The following PLCG2 variants were observed in gnomAD, a reference collection of about 807,000 sequenced individuals.
PLCG2 encodes phospholipase C gamma 2.
A neutral mutation model predicts 175.6 loss-of-function variants in PLCG2; 69 were observed. That is an observed-to-expected ratio of 0.39 (90% CI 0.32 to 0.48). PLCG2 has a LOEUF of 0.48. PLCG2 is among the 20% of genes least tolerant of loss of function. The pLI, the probability that PLCG2 is intolerant of heterozygous loss-of-function variation, is 0.91. For missense variants in PLCG2, 1,798 were observed against 1,650.9 expected (o/e 1.09, Z -1.54); for synonymous variants, 827 against 624.0 (o/e 1.33, Z -4.85).
At chr16:81,778,038 A>AAC (rs1555505452), upstream of PLCG2, among the ~76,000 whole-genome samples, 113 of 82,576 alleles carry the variant, frequency 1.4e-3, 3 homozygotes, top group South Asian at 2.7e-3. Flanking sequence ...AAAACAAAAA[A>AAC]AAAACAAAAA....
chr16:81,923,686 C>T (rs1056287797), intron 22 of PLCG2, 92 bp downstream of exon 22: 45 of 720,648 alleles, frequency 6.2e-5, no homozygotes, highest in South Asian at 4.1e-4. Flanking sequence ...AGTCTGACCC[C>T]CTTTGTCATC....
chr16:81,823,774 C>G (rs918781123), intron 2 of PLCG2, among the ~76,000 whole-genome samples: 1 of 152,038 alleles, frequency 6.6e-6, no homozygotes, highest in Non-Finnish European at 1.5e-5. Context: ...AAGCAATCCC[C>G]TGACCTCGGT....
At chr16:81,902,718 A>G (rs1443355696) in intron 14 of PLCG2, among the ~76,000 whole-genome samples, 1 of 152,038 alleles carries the variant, frequency 6.6e-6, no homozygotes, top group East Asian at 1.9e-4. Context: ...TGTGTTACCC[A>G]TTCTCACACT....
chr16:81,893,892 A>G, intron 12 of PLCG2, 98 bp downstream of exon 12: 1 of 730,000 alleles, frequency 1.4e-6, no homozygotes, highest in East Asian at 2.6e-5. Flanking sequence ...AAAGGTTTTA[A>G]TGGACACATA....
chr16:81,795,389 A>G (rs1911421111), intron 2 of PLCG2, among the ~76,000 whole-genome samples: 1 of 152,214 alleles, frequency 6.6e-6, no homozygotes, highest in South Asian at 2.1e-4. Flanking sequence ...TGGGGAGAGC[A>G]TTCTGGCATA....
intron 26 of PLCG2, chr16:81,935,736 A>G: frequency 1.0e-6 from 1 of 985,220 alleles, no homozygotes; most frequent in Non-Finnish European, 1.2e-6. Context: ...AGGCACCCAC[A>G]TTGCAACCCT....
At chr16:81,908,735 G>C in intron 17 of PLCG2, 144 bp downstream of exon 17, 1 of 672,508 alleles carries the variant, frequency 1.5e-6, no homozygotes. Flanking sequence ...TTCTAGGCCG[G>C]GACAAGGGTG....
chr16:81,920,508 G>T (rs1910016991), intron 20 of PLCG2, among the ~76,000 whole-genome samples: 1 of 152,202 alleles, frequency 6.6e-6, no homozygotes, highest in African/African-American at 2.4e-5. Flanking sequence ...CTTAGGCTGT[G>T]GGAGTGGAGA....
intron 9 of PLCG2, among the ~76,000 whole-genome samples, chr16:81,884,234 C>T (rs1194308777): frequency 6.6e-6 from 1 of 152,094 alleles, no homozygotes; most frequent in Non-Finnish European, 1.5e-5. Flanking sequence ...GCCTGTAATC[C>T]CAGCTACCTG....
intron 2 of PLCG2, among the ~76,000 whole-genome samples, chr16:81,789,587 C>T (rs566628296): frequency 5.3e-5 from 8 of 152,274 alleles, no homozygotes; most frequent in African/African-American, 1.4e-4. Context: ...CCATGCCCGG[C>T]CTCAATTCAT....
At chr16:81,833,977 A>G (rs904691775) in intron 2 of PLCG2, among the ~76,000 whole-genome samples, 1 of 152,092 alleles carries the variant, frequency 6.6e-6, no homozygotes, top group African/African-American at 2.4e-5. Flanking sequence ...TAGCAGGTTC[A>G]CCCCAAGGTT....
upstream of PLCG2, among the ~76,000 whole-genome samples, chr16:81,777,816 G>C (rs1234991963): frequency 6.6e-6 from 1 of 151,772 alleles, no homozygotes; most frequent in Non-Finnish European, 1.5e-5. Flanking sequence ...AGGAGTTTGA[G>C]ACCAATCTGG....
intron 22 of PLCG2, among the ~76,000 whole-genome samples, chr16:81,924,796 C>T (rs1466156535): frequency 6.6e-6 from 1 of 152,238 alleles, no homozygotes; most frequent in East Asian, 1.9e-4. Context: ...GCTGACATTG[C>T]TGTTCCTACT....
intron 2 of PLCG2, among the ~76,000 whole-genome samples, chr16:81,791,370 A>C (rs1170743148): frequency 1.3e-5 from 2 of 152,070 alleles, no homozygotes; most frequent in Non-Finnish European, 2.9e-5. Flanking sequence ...CTGTGGGATT[A>C]ATGGGTGTCA....
intron 2 of PLCG2, among the ~76,000 whole-genome samples, chr16:81,821,803 A>G (rs550716001): frequency 6.6e-6 from 1 of 152,270 alleles, no homozygotes; most frequent in East Asian, 1.9e-4. Flanking sequence ...ACCCAAAAGA[A>G]AAGGTTTTAC....
intron 2 of PLCG2, among the ~76,000 whole-genome samples, chr16:81,828,448 C>T (rs889082830): frequency 1.3e-5 from 2 of 151,888 alleles, no homozygotes; most frequent in Admixed American, 1.3e-4. Flanking sequence ...CCATGTTAGC[C>T]AGGATGGTCT....
chr16:81,750,799 T>G (rs1485861137), intron 1 of PLCG2, among the ~76,000 whole-genome samples: 2 of 147,712 alleles, frequency 1.4e-5, no homozygotes, highest in Admixed American at 1.4e-4. Context: ...TCCCGAGTAC[T>G]TGGGACTACA....
intron 2 of PLCG2, among the ~76,000 whole-genome samples, chr16:81,790,467 G>T (rs1567465549): frequency 6.6e-6 from 1 of 152,164 alleles, no homozygotes; most frequent in African/African-American, 2.4e-5. Flanking sequence ...TCAGGCCCTG[G>T]GTGGGGACTG....
At chr16:81,878,893 A>G (rs950921729) in intron 7 of PLCG2, among the ~76,000 whole-genome samples, 4 of 151,914 alleles carry the variant, frequency 2.6e-5, no homozygotes, top group Non-Finnish European at 5.9e-5. Flanking sequence ...TCTGCGTCCC[A>G]GGGGCCAATT....
Sources: gnomAD v4.1 joint callset for allele counts (sites outside exome capture counted in the v4.1 genomes callset) on GRCh38, gnomAD v4.1.1 for gene constraint, MANE v1.5 for transcripts, NCBI Gene and HGNC (gene_info 2026-07-23, HGNC 2026-07-21) for gene names.